Variants in CLVS1 observed in about 807,000 individuals in gnomAD.
CLVS1 encodes the protein clavesin-1.
In CLVS1, 10 loss-of-function variants were observed where a neutral mutation model predicts 33.1. The ratio of observed to expected loss-of-function variants is 0.30; its 90% CI spans 0.19 to 0.51. The LOEUF (loss-of-function observed/expected upper bound fraction) is 0.51. Ranked by LOEUF, CLVS1 falls within the 20% of genes least tolerant of loss-of-function variation. CLVS1 has a pLI of 0.97. For missense variants in CLVS1, 343 were observed against 433.4 expected, an observed-to-expected ratio of 0.79 and a Z score of 1.85; for synonymous variants, 163 against 166.1, an observed-to-expected ratio of 0.98 and a Z score of 0.14.
intron 2 of CLVS1, among the ~76,000 whole-genome samples, chr8:61,360,554 C>T (rs895072462): frequency 6.6e-5 from 10 of 152,212 alleles, no homozygotes; most frequent in Non-Finnish European, 4.4e-5. Flanking sequence ...TGAATAAGCT[C>T]TGTGCTCTTC....
At chr8:61,063,330 G>C (rs2129278370) in intron 1 of CLVS1, among the ~76,000 whole-genome samples, 1 of 147,978 alleles carries the variant, frequency 6.8e-6, no homozygotes, top group Non-Finnish European at 1.5e-5. Context: ...TTCCTGGTGG[G>C]GGGTGAGGGG....
chr8:61,180,828 G>T (rs1357713098), intron 2 of CLVS1, among the ~76,000 whole-genome samples: 1 of 152,116 alleles, frequency 6.6e-6, no homozygotes, highest in Non-Finnish European at 1.5e-5. Flanking sequence ...ACATATTGAT[G>T]GAACATATCT....
chr8:61,276,035 G>A (rs998606650), intron 2 of CLVS1, among the ~76,000 whole-genome samples: 1 of 152,186 alleles, frequency 6.6e-6, no homozygotes, highest in Admixed American at 6.5e-5. Flanking sequence ...GGAAAAAAAG[G>A]TTTCGTTTGT....
the CLVS1 span, among the ~76,000 whole-genome samples, chr8:60,979,483 T>A: frequency 6.6e-6 from 1 of 152,226 alleles, no homozygotes; most frequent in Non-Finnish European, 1.5e-5. Context: ...TCCTGTCTAA[T>A]GGAGAGTTTC....
At chr8:61,113,984 G>C (rs1332274741) in intron 1 of CLVS1, among the ~76,000 whole-genome samples, 1 of 152,208 alleles carries the variant, frequency 6.6e-6, no homozygotes, top group Non-Finnish European at 1.5e-5. Flanking sequence ...CAAAGGGCCA[G>C]GTAGTAAATA....
At chr8:61,428,021 A>C (rs758598018) in intron 3 of CLVS1, among the ~76,000 whole-genome samples, 1 of 152,220 alleles carries the variant, frequency 6.6e-6, no homozygotes, top group Non-Finnish European at 1.5e-5. Flanking sequence ...GAAATAATTA[A>C]ATTAAAACAA....
At chr8:61,209,136 C>A (rs988998041) in intron 2 of CLVS1, among the ~76,000 whole-genome samples, 4 of 152,276 alleles carry the variant, frequency 2.6e-5, no homozygotes, top group South Asian at 2.1e-4. Flanking sequence ...CCTTTCTGCA[C>A]AAACATTGAC....
chr8:61,350,806 CA>C (rs1282182644), intron 2 of CLVS1, among the ~76,000 whole-genome samples: 4 of 152,226 alleles, frequency 2.6e-5, no homozygotes, highest in African/African-American at 7.2e-5. Context: ...ACAGAGAGCT[CA>C]GGGGCATCTA....
chr8:61,183,257 G>A (rs1032000435), intron 2 of CLVS1, among the ~76,000 whole-genome samples: 4 of 152,192 alleles, frequency 2.6e-5, no homozygotes, highest in African/African-American at 9.6e-5. Context: ...AAACCACCAT[G>A]GCACACGTTT....
At chr8:61,471,595 C>A (rs969326805) in intron 5 of CLVS1, among the ~76,000 whole-genome samples, 11 of 152,182 alleles carry the variant, frequency 7.2e-5, no homozygotes, top group African/African-American at 1.4e-4. Flanking sequence ...CAGAGCATGG[C>A]CAAGCACGTT....
the CLVS1 span, among the ~76,000 whole-genome samples, chr8:61,047,342 A>C: frequency 2.0e-5 from 3 of 152,182 alleles, no homozygotes; most frequent in Non-Finnish European, 2.9e-5. Flanking sequence ...AATAGGAACA[A>C]TTTTACACTG....
At chr8:61,250,862 C>A (rs1274423434) in intron 2 of CLVS1, among the ~76,000 whole-genome samples, 1 of 152,220 alleles carries the variant, frequency 6.6e-6, no homozygotes, top group African/African-American at 2.4e-5. Context: ...CATCTGCAAA[C>A]AGAGACAATT....
intron 1 of CLVS1, chr8:61,292,221 T>A: frequency 2.5e-6 from 1 of 393,210 alleles, no homozygotes; most frequent in Non-Finnish European, 5.2e-6. Context: ...AAATAAGAGC[T>A]CAGAAATTCT....
At chr8:61,279,300 G>A (rs1212400056) in intron 2 of CLVS1, among the ~76,000 whole-genome samples, 3 of 152,148 alleles carry the variant, frequency 2.0e-5, no homozygotes, top group Non-Finnish European at 4.4e-5. Flanking sequence ...GGCCAGAGGT[G>A]TCTTAGTTTT....
At chr8:61,106,689 G>A (rs1476191021) in intron 1 of CLVS1, among the ~76,000 whole-genome samples, 1 of 152,174 alleles carries the variant, frequency 6.6e-6, no homozygotes, top group Admixed American at 6.5e-5. Flanking sequence ...GGAAACCCAC[G>A]GAGATGCCTG....
chr8:61,269,337 T>C (rs1181169879), intron 2 of CLVS1, among the ~76,000 whole-genome samples: 1 of 152,154 alleles, frequency 6.6e-6, no homozygotes, highest in South Asian at 2.1e-4. Flanking sequence ...AGATGTGTGG[T>C]ATTATTTCTG....
At chr8:61,057,541 T>C (rs1804500409) in intron 1 of CLVS1, among the ~76,000 whole-genome samples, 1 of 152,180 alleles carries the variant, frequency 6.6e-6, no homozygotes, top group African/African-American at 2.4e-5. Context: ...GCTAAGTTTA[T>C]GAGAATCAAT....
intron 2 of CLVS1, among the ~76,000 whole-genome samples, chr8:61,251,597 T>C (rs962591314): frequency 2.0e-5 from 3 of 152,338 alleles, no homozygotes; most frequent in Non-Finnish European, 4.4e-5. Context: ...CAGAACTTGT[T>C]ATAGGTCTAT....
chr8:61,059,222 T>C (rs1804533620), intron 1 of CLVS1, among the ~76,000 whole-genome samples: 1 of 152,048 alleles, frequency 6.6e-6, no homozygotes, highest in Non-Finnish European at 1.5e-5. Flanking sequence ...TGACCAGTCT[T>C]TGTAATTTCA....
Sources: gnomAD v4.1 joint callset for allele counts (sites outside exome capture counted in the v4.1 genomes callset) on GRCh38, gnomAD v4.1.1 for gene constraint, MANE v1.5 for transcripts, NCBI Gene and HGNC (gene_info 2026-07-23, HGNC 2026-07-21) for gene names.